Variants in SAMD3 observed in about 807,000 individuals in gnomAD.
SAMD3 encodes the protein sterile alpha motif domain containing 3.
In SAMD3, 63 loss-of-function variants were observed where a neutral mutation model predicts 58.5. The observed-to-expected ratio is 1.08, with a 90% CI of 0.88 to 1.33. SAMD3 has a LOEUF of 1.33. SAMD3 is among the 40% of genes most tolerant of loss of function. The pLI is 0.00. For missense variants in SAMD3, 604 were observed against 608.4 expected (o/e 0.99, Z 0.08); for synonymous variants, 220 against 210.3 (o/e 1.05, Z -0.40).
rs1275856761 is a variant in SAMD3 at position 130,363,885 on chromosome 6, C to T, written c.-304+1235G>A. ...GACTTCTATCCATTATTTCCAAAGC[C>T]GATGTGTAGCTGAATTCAAAATCCA... On this transcript the variant is annotated intron_variant, in intron 1 of 13. Coordinates refer to the SAMD3 transcript ENST00000368134. Among the ~76,000 whole-genome samples the T allele has an allele frequency of 9.2e-5, 14 of 152,102 alleles. No homozygotes were observed. In the South Asian group the frequency reaches 1.0e-3, roughly 11 times the overall value.
intron 1 of SAMD3, among the ~76,000 whole-genome samples, chr6:130,334,074 A>T (rs1777027681): frequency 6.6e-6 from 1 of 152,092 alleles, no homozygotes; most frequent in Non-Finnish European, 1.5e-5. Flanking sequence ...CTCCTTCCTC[A>T]TCCCCTGGCA....
chr6:130,244,111 A>T (rs1213988874), intron 2 of SAMD3, among the ~76,000 whole-genome samples: 1 of 152,202 alleles, frequency 6.6e-6, no homozygotes, highest in Non-Finnish European at 1.5e-5. Flanking sequence ...TGTTCCTAGC[A>T]AGTAGAAAGT....
intron 2 of SAMD3, among the ~76,000 whole-genome samples, chr6:130,257,814 A>ATC (rs1299920999): frequency 6.6e-6 from 1 of 152,160 alleles, no homozygotes; most frequent in African/African-American, 2.4e-5. Context: ...ATTTCTAACT[A>ATC]TCTAGGAAAT....
chr6:130,183,336 CAAAAAAAAAAAAAGGAA>C (rs1792573227), intron 7 of SAMD3: 8 of 384,796 alleles, frequency 2.1e-5, no homozygotes, highest in South Asian at 1.2e-4. Flanking sequence ...GACTCCGTCT[CAAAAAAAAAAAAAGGAA>C]AAAAAAAAAA....
intron 5 of SAMD3, among the ~76,000 whole-genome samples, chr6:130,208,873 T>C (rs1484154616): frequency 1.3e-5 from 2 of 152,154 alleles, no homozygotes; most frequent in Non-Finnish European, 2.9e-5. Flanking sequence ...GTCAAAAAGG[T>C]TGGGAACCGC....
chr6:130,229,339 C>T (rs80331780), intron 2 of SAMD3, among the ~76,000 whole-genome samples: 7,035 of 152,244 alleles, frequency 0.046, 524 homozygotes, highest in African/African-American at 0.16. Flanking sequence ...TAGCAGCGCC[C>T]ATGTCGTAGA....
chr6:130,163,576 T>C (rs546093203), intron 8 of SAMD3, among the ~76,000 whole-genome samples: 50 of 152,354 alleles, frequency 3.3e-4, no homozygotes, highest in African/African-American at 1.2e-3. Flanking sequence ...TTAGTAAATA[T>C]GCCACCTGCT....
intron 8 of SAMD3, among the ~76,000 whole-genome samples, chr6:130,163,407 A>C (rs920526140): frequency 6.6e-6 from 1 of 152,182 alleles, no homozygotes; most frequent in African/African-American, 2.4e-5. Context: ...TATTGTCGTC[A>C]AGTGTTGACT....
At chr6:130,204,140 C>T (rs1794868475) in intron 5 of SAMD3, among the ~76,000 whole-genome samples, 1 of 151,958 alleles carries the variant, frequency 6.6e-6, no homozygotes, top group African/African-American at 2.4e-5. Flanking sequence ...GGAAGCAAAA[C>T]ATCTGGACAC....
chr6:130,172,992 T>C (rs1285291841), intron 8 of SAMD3, among the ~76,000 whole-genome samples: 1 of 152,070 alleles, frequency 6.6e-6, no homozygotes, highest in Non-Finnish European at 1.5e-5. Context: ...TCCACTTGAT[T>C]GATTCCACTA....
At chr6:130,178,710 C>A (rs1185864174) in intron 7 of SAMD3, among the ~76,000 whole-genome samples, 1 of 152,190 alleles carries the variant, frequency 6.6e-6, no homozygotes, top group Non-Finnish European at 1.5e-5. Context: ...AACTATAAAA[C>A]GGAACAATAA....
chr6:130,221,144 A>C (rs55987974), intron 1 of SAMD3, among the ~76,000 whole-genome samples: 1 of 152,158 alleles, frequency 6.6e-6, no homozygotes, highest in Non-Finnish European at 1.5e-5. Context: ...ATGAGCCACC[A>C]CGCCCAGCCA....
In SAMD3 at chr6:130,215,628, G is replaced by A. The variant is rs1795961389; in HGVS notation, c.-21-334C>T. ...CCCAATCCTGTACCATTAACACCCA[G>A]GTTTCTTCACAAAGAAAAGAAAGGT... On this transcript the variant is annotated intron_variant, in intron 2 of 11. Coordinates refer to ENST00000439090, the MANE Select transcript of SAMD3 (RefSeq NM_001017373.4). 2.2e-6 allele frequency: 3 copies of A among 1,387,954 alleles called. No homozygotes were observed. The Admixed American group carries it at 9.0e-5, about 42-fold the overall frequency. The allele number at this position is 1,387,954 out of a possible 1,614,324, so 86.0% of individuals were successfully genotyped here.
chr6:130,312,153 A>G (rs1776195124), intron 2 of SAMD3, among the ~76,000 whole-genome samples: 1 of 152,186 alleles, frequency 6.6e-6, no homozygotes. Flanking sequence ...TCTTACCCTA[A>G]ATAAATATGG....
In SAMD3 at chr6:130,348,102, G is replaced by A. The variant is rs1490865033; in HGVS notation, c.-304+17018C>T. On this transcript the variant is annotated intron_variant, in intron 1 of 13. Coordinates refer to the SAMD3 transcript ENST00000368134. Reference sequence around the variant, plus strand: ...GCACTAAACATGGAAAGGAACAACCGGTACCAGCCACTGCAAAAACATGCC... The same window carrying A: ...GCACTAAACATGGAAAGGAACAACCAGTACCAGCCACTGCAAAAACATGCC... 3.3e-5 allele frequency among the ~76,000 whole-genome samples: 5 copies of A among 152,164 alleles called. No individual in the cohort carries two copies. In the East Asian group the frequency reaches 5.8e-4, roughly 18 times the overall value.
At chr6:130,348,871 A>T (rs558327620) in intron 1 of SAMD3, among the ~76,000 whole-genome samples, 1 of 152,112 alleles carries the variant, frequency 6.6e-6, no homozygotes, top group Non-Finnish European at 1.5e-5. Flanking sequence ...AAATTATAAC[A>T]AACTGTCTCT....
At chr6:130,253,551 G>A (rs770986652) in intron 2 of SAMD3, among the ~76,000 whole-genome samples, 2 of 152,060 alleles carry the variant, frequency 1.3e-5, no homozygotes, top group East Asian at 3.9e-4. Flanking sequence ...ACAGTTAAGA[G>A]AACTTGCATT....
chr6:130,173,846 G>A (rs1002385254), intron 8 of SAMD3, among the ~76,000 whole-genome samples: 88 of 152,238 alleles, frequency 5.8e-4, no homozygotes, highest in African/African-American at 1.9e-3. Context: ...GATTATGTCT[G>A]TAAGCCCCTG....
intron 7 of SAMD3, among the ~76,000 whole-genome samples, chr6:130,179,877 T>G (rs1250114419): frequency 7.0e-6 from 1 of 141,960 alleles, no homozygotes; most frequent in Non-Finnish European, 1.5e-5. Flanking sequence ...ACGACGACAC[T>G]GATCTTGGCT....
Sources: gnomAD v4.1 joint callset for allele counts (sites outside exome capture counted in the v4.1 genomes callset) on GRCh38, gnomAD v4.1.1 for gene constraint, MANE v1.5 for transcripts, NCBI Gene and HGNC (gene_info 2026-07-23, HGNC 2026-07-21) for gene names.